HEMK2: variants seen among roughly 807,000 people sequenced by gnomAD.
HEMK2 encodes the protein HemK methyltransferase 2, ETF1 glutamine and histone H4 lysine, also known as methyltransferase HEMK2.
chr21:28,851,611 A>T, the HEMK2 span, among the ~76,000 whole-genome samples: 1 of 152,128 alleles, frequency 6.6e-6, no homozygotes, highest in Non-Finnish European at 1.5e-5. Flanking sequence ...AAAGTCCCTA[A>T]ATTTTAGTTG....
chr21:28,722,326 G>T, the HEMK2 span, among the ~76,000 whole-genome samples: 1 of 152,132 alleles, frequency 6.6e-6, no homozygotes. Context: ...GTTTGCAGAT[G>T]AACTAAGGTG....
the HEMK2 span, among the ~76,000 whole-genome samples, chr21:28,667,048 A>G: frequency 1.3e-5 from 2 of 152,132 alleles, no homozygotes; most frequent in African/African-American, 4.8e-5. Context: ...CTTTGTAAAG[A>G]CCTAATCATC....
the HEMK2 span, chr21:28,879,956 A>G: frequency 6.3e-7 from 1 of 1,576,234 alleles, no homozygotes; most frequent in Non-Finnish European, 8.6e-7. Context: ...CCTTTGACCT[A>G]AATGTATTCA....
At chr21:28,789,856 A>G in the HEMK2 span, among the ~76,000 whole-genome samples, 1 of 152,222 alleles carries the variant, frequency 6.6e-6, no homozygotes, top group Non-Finnish European at 1.5e-5. Context: ...GAGTGTTTAG[A>G]CTAAGACCAG....
chr21:28,769,205 C>T, the HEMK2 span, among the ~76,000 whole-genome samples: 1 of 152,064 alleles, frequency 6.6e-6, no homozygotes, highest in Admixed American at 6.5e-5. Flanking sequence ...CACCTGGGAC[C>T]CCCAGGTTTC....
chr21:28,667,253 T>C, the HEMK2 span, among the ~76,000 whole-genome samples: 1 of 152,186 alleles, frequency 6.6e-6, no homozygotes, highest in Non-Finnish European at 1.5e-5. Context: ...ATGTGTTGTT[T>C]TGACAGATTT....
At chr21:28,780,013 A>C in the HEMK2 span, among the ~76,000 whole-genome samples, 1 of 152,184 alleles carries the variant, frequency 6.6e-6, no homozygotes, top group Non-Finnish European at 1.5e-5. Flanking sequence ...TAAACAAAAA[A>C]AACCCCACAA....
At chr21:28,805,006 G>T in the HEMK2 span, among the ~76,000 whole-genome samples, 1 of 152,092 alleles carries the variant, frequency 6.6e-6, no homozygotes, top group Non-Finnish European at 1.5e-5. Flanking sequence ...GATTCAGTTG[G>T]GCTAGATTGG....
At chr21:28,613,147 A>AATAT in the HEMK2 span, among the ~76,000 whole-genome samples, 1 of 151,108 alleles carries the variant, frequency 6.6e-6, no homozygotes, top group African/African-American at 2.4e-5. Context: ...TAGATACCTA[A>AATAT]ATATATATAT....
the HEMK2 span, chr21:28,885,169 A>G: frequency 7.4e-6 from 11 of 1,495,846 alleles, no homozygotes; most frequent in Non-Finnish European, 9.0e-6. Context: ...CTTCTTCAGA[A>G]AGCCGCAACC....
At chr21:28,731,295 A>G in the HEMK2 span, among the ~76,000 whole-genome samples, 2 of 152,228 alleles carry the variant, frequency 1.3e-5, no homozygotes, top group African/African-American at 4.8e-5. Flanking sequence ...CCAAGGTCAC[A>G]TAGATACTAT....
the HEMK2 span, among the ~76,000 whole-genome samples, chr21:28,813,231 G>C: frequency 8.5e-4 from 130 of 152,272 alleles, no homozygotes; most frequent in Middle Eastern, 3.4e-3. Flanking sequence ...ATCTCCTTAA[G>C]CTGATAAGCA....
At chr21:28,610,839 G>C in the HEMK2 span, among the ~76,000 whole-genome samples, 1 of 152,098 alleles carries the variant, frequency 6.6e-6, no homozygotes, top group Non-Finnish European at 1.5e-5. Context: ...TAGTCCAACA[G>C]AAAAATATCA....
At chr21:28,702,211 C>G in the HEMK2 span, among the ~76,000 whole-genome samples, 1 of 151,978 alleles carries the variant, frequency 6.6e-6, no homozygotes, top group Non-Finnish European at 1.5e-5. Context: ...AATGTAAAAC[C>G]TAAAACTATA....
At chr21:28,847,649 TTTTG>T in the HEMK2 span, among the ~76,000 whole-genome samples, 4 of 152,242 alleles carry the variant, frequency 2.6e-5, no homozygotes, top group South Asian at 8.3e-4. Flanking sequence ...CAATTTTTGT[TTTTG>T]TTGCAATTGC....
chr21:28,766,006 G>C, the HEMK2 span, among the ~76,000 whole-genome samples: 2 of 152,038 alleles, frequency 1.3e-5, no homozygotes, highest in African/African-American at 4.8e-5. Flanking sequence ...CCTTTGCAGG[G>C]ACATGGATGA....
At chr21:28,867,044 G>A in the HEMK2 span, among the ~76,000 whole-genome samples, 15 of 152,106 alleles carry the variant, frequency 9.9e-5, no homozygotes, top group African/African-American at 3.6e-4. Context: ...TGGCGCTACA[G>A]AAACTCATAT....
At chr21:28,741,682 A>T in the HEMK2 span, among the ~76,000 whole-genome samples, 1 of 152,172 alleles carries the variant, frequency 6.6e-6, no homozygotes, top group African/African-American at 2.4e-5. Flanking sequence ...TAGTTTGCTA[A>T]GGATACTAAG....
chr21:28,831,556 AAGG>A, the HEMK2 span, among the ~76,000 whole-genome samples: 1 of 88,064 alleles, frequency 1.1e-5, no homozygotes, highest in African/African-American at 6.6e-5. Context: ...AGAAGGAAAG[AAGG>A]AAAGAAGGAA....
Sources: gnomAD v4.1 joint callset for allele counts (sites outside exome capture counted in the v4.1 genomes callset) on GRCh38, gnomAD v4.1.1 for gene constraint, MANE v1.5 for transcripts, NCBI Gene and HGNC (gene_info 2026-07-23, HGNC 2026-07-21) for gene names.